The following BCKDHB variants were observed in gnomAD, a reference collection of about 807,000 sequenced individuals.
BCKDHB encodes the protein branched chain keto acid dehydrogenase E1 subunit beta, also known as 2-oxoisovalerate dehydrogenase subunit beta, mitochondrial.
In BCKDHB, 41 loss-of-function variants were observed where a neutral mutation model predicts 48.5. The ratio of observed to expected loss-of-function variants is 0.85; its 90% CI spans 0.66 to 1.10. BCKDHB has a LOEUF of 1.10. Ranked by LOEUF, BCKDHB falls within the 50% of genes least tolerant of loss-of-function variation. The probability of loss-of-function intolerance (pLI) is 0.00; values close to 1 mark genes in which losing one functional copy is unlikely to be tolerated. For missense variants in BCKDHB, 496 were observed against 494.2 expected (o/e 1.00, Z -0.03); for synonymous variants, 201 against 174.8 (o/e 1.15, Z -1.18).
chr6:80,128,754 A>G (rs957866455), intron 2 of BCKDHB, among the ~76,000 whole-genome samples: 1 of 152,156 alleles, frequency 6.6e-6, no homozygotes, highest in Non-Finnish European at 1.5e-5. Flanking sequence ...CTTCATGGAT[A>G]AAACAAATGA....
chr6:80,357,545 A>C, the BCKDHB span, among the ~76,000 whole-genome samples: 1 of 152,210 alleles, frequency 6.6e-6, no homozygotes, highest in African/African-American at 2.4e-5. Flanking sequence ...GGGCAAATGG[A>C]GAATAACCAG....
chr6:80,441,334 C>T, the BCKDHB span, among the ~76,000 whole-genome samples: 1 of 152,066 alleles, frequency 6.6e-6, no homozygotes, highest in African/African-American at 2.4e-5. Flanking sequence ...GAACATATTG[C>T]CTTATTCTGT....
chr6:80,229,624 AAG>A (rs1452081977), intron 8 of BCKDHB, among the ~76,000 whole-genome samples: 1 of 152,240 alleles, frequency 6.6e-6, no homozygotes, highest in African/African-American at 2.4e-5. Context: ...ATTAAAAAAA[AAG>A]AAAAAGTAAA....
the BCKDHB span, among the ~76,000 whole-genome samples, chr6:80,355,148 G>C: frequency 6.6e-6 from 1 of 151,958 alleles, no homozygotes; most frequent in Non-Finnish European, 1.5e-5. Context: ...TTTTCCATTT[G>C]TTTGTGTCAT....
the BCKDHB span, among the ~76,000 whole-genome samples, chr6:80,405,208 C>G: frequency 6.6e-6 from 1 of 152,060 alleles, no homozygotes; most frequent in South Asian, 2.1e-4. Flanking sequence ...CTTTACATAT[C>G]TAGGTACTCC....
chr6:80,110,775 G>A (rs1258490374), intron 1 of BCKDHB, among the ~76,000 whole-genome samples: 3 of 152,226 alleles, frequency 2.0e-5, no homozygotes, highest in Non-Finnish European at 4.4e-5. Flanking sequence ...TAATACCTTA[G>A]CTGTGGATGC....
intron 1 of BCKDHB, among the ~76,000 whole-genome samples, chr6:80,107,372 AATTC>A (rs1249957872): frequency 1.4e-5 from 2 of 145,434 alleles, no homozygotes; most frequent in African/African-American, 5.0e-5. Context: ...ATATAAAATC[AATTC>A]AGTTACTCAG....
chr6:80,386,844 G>A, the BCKDHB span, among the ~76,000 whole-genome samples: 1 of 152,184 alleles, frequency 6.6e-6, no homozygotes, highest in Non-Finnish European at 1.5e-5. Context: ...TATAAAAACA[G>A]AGAATCACAG....
chr6:80,405,144 C>T, the BCKDHB span, among the ~76,000 whole-genome samples: 2 of 151,896 alleles, frequency 1.3e-5, no homozygotes, highest in African/African-American at 4.8e-5. Flanking sequence ...TATTTAAGTC[C>T]CCTACTATTA....
At chr6:80,343,600 G>T (rs1399746182) in intron 9 of BCKDHB, 64 bp from the exon 10 acceptor site, 15 of 1,511,018 alleles carry the variant, frequency 9.9e-6, no homozygotes, top group African/African-American at 1.4e-5. Flanking sequence ...ATTTTAAGTT[G>T]CACTATTTCA....
At chr6:80,397,853 T>C in the BCKDHB span, among the ~76,000 whole-genome samples, 1 of 152,114 alleles carries the variant, frequency 6.6e-6, no homozygotes, top group Non-Finnish European at 1.5e-5. Context: ...CACTCCAACC[T>C]GGAGACAGAG....
chr6:80,450,325 T>C, the BCKDHB span, among the ~76,000 whole-genome samples: 1 of 152,182 alleles, frequency 6.6e-6, no homozygotes, highest in Non-Finnish European at 1.5e-5. Flanking sequence ...GCTTTTCTTT[T>C]CTTTACTTTT....
chr6:80,117,943 A>G (rs547745753), intron 1 of BCKDHB, among the ~76,000 whole-genome samples: 9 of 152,224 alleles, frequency 5.9e-5, no homozygotes, highest in African/African-American at 9.6e-5. Flanking sequence ...TGTCTCCCCA[A>G]CCAAGCTGGT....
intron 8 of BCKDHB, among the ~76,000 whole-genome samples, chr6:80,213,753 C>G (rs1485119092): frequency 6.6e-6 from 1 of 151,230 alleles, no homozygotes; most frequent in Admixed American, 6.6e-5. Flanking sequence ...CTCTCCAGCT[C>G]TTTTTCCTGC....
chr6:80,197,676 A>C (rs1027608156), intron 6 of BCKDHB, among the ~76,000 whole-genome samples: 1 of 152,174 alleles, frequency 6.6e-6, no homozygotes, highest in Non-Finnish European at 1.5e-5. Context: ...ATGGCCACTT[A>C]CAAGTAAGAT....
At chr6:80,108,559 T>TA (rs35042481) in intron 1 of BCKDHB, among the ~76,000 whole-genome samples, 18,520 of 137,374 alleles carry the variant, frequency 0.13, 3,807 homozygotes, top group African/African-American at 0.46. Flanking sequence ...GGATAAAAAG[T>TA]AAAAAAAAAA....
At chr6:80,308,012 G>A in intron 9 of BCKDHB, 1 of 738,862 alleles carries the variant, frequency 1.4e-6, no homozygotes, top group African/African-American at 1.9e-5. Flanking sequence ...CTAAGGGGAT[G>A]GTCACTGACC....
At chr6:80,328,837 GC>G (rs1197091265) in intron 9 of BCKDHB, among the ~76,000 whole-genome samples, 1 of 152,010 alleles carries the variant, frequency 6.6e-6, no homozygotes, top group Non-Finnish European at 1.5e-5. Flanking sequence ...TTCCTTTACT[GC>G]CCCTAGATAA....
chr6:80,285,870 A>G (rs1184909806), intron 9 of BCKDHB, among the ~76,000 whole-genome samples: 1 of 152,092 alleles, frequency 6.6e-6, no homozygotes, highest in Non-Finnish European at 1.5e-5. Context: ...TAAAAATACT[A>G]TGAAATTGCT....
Sources: allele counts gnomAD v4.1 joint callset (sites outside exome capture counted in the v4.1 genomes callset), GRCh38; gene constraint gnomAD v4.1.1; transcripts MANE v1.5; gene names NCBI Gene and HGNC (gene_info 2026-07-23, HGNC 2026-07-21).